PTPN12: variants seen among roughly 807,000 people sequenced by gnomAD.
The protein encoded by PTPN12 is protein tyrosine phosphatase non-receptor type 12, also known as tyrosine-protein phosphatase non-receptor type 12.
PTPN12 carries 29 observed loss-of-function variants against 97.6 expected under a neutral mutation model. The observed-to-expected ratio is 0.30, with a 90% confidence interval of 0.22 to 0.41. The LOEUF (loss-of-function observed/expected upper bound fraction) is 0.41. PTPN12 is among the 10% of genes least tolerant of loss of function. The pLI is 1.00. For missense variants in PTPN12, 819 were observed against 926.0 expected (o/e 0.88, Z 1.50); for synonymous variants, 327 against 300.4 (o/e 1.09, Z -0.91).
intron 1 of PTPN12, among the ~76,000 whole-genome samples, chr7:77,546,878 C>T (rs1035075047): frequency 3.3e-5 from 5 of 152,176 alleles, no homozygotes; most frequent in African/African-American, 7.2e-5. Context: ...ACCATCAGAT[C>T]TTGTGAGAAC....
At chr7:77,586,760 C>G (rs1787705167) in intron 5 of PTPN12, among the ~76,000 whole-genome samples, 1 of 152,204 alleles carries the variant, frequency 6.6e-6, no homozygotes, top group Admixed American at 6.5e-5. Flanking sequence ...GCTTTATCAA[C>G]TAAGTTGATT....
At chr7:77,540,992 T>C (rs1258221963) in intron 1 of PTPN12, among the ~76,000 whole-genome samples, 2 of 152,254 alleles carry the variant, frequency 1.3e-5, no homozygotes, top group African/African-American at 4.8e-5. Context: ...TCCACTTGCC[T>C]GACTGGTGAT....
At position 77,607,143 on chromosome 7, in the gene PTPN12, T is replaced by C. The variant is rs1272813432; in HGVS notation, c.696-92T>C. On this transcript the variant is annotated intron_variant, in intron 8 of 17. Coordinates refer to ENST00000248594, the MANE Select transcript of PTPN12 (RefSeq NM_002835.4). ...ATTTTGTCAAACTTCTTAAATGATT[T>C]TTTGTTTCTGAATATTAACATGTCT... The C allele has an allele frequency of 9.7e-6, 10 of 1,031,676 alleles. No homozygotes were observed. The Admixed American group carries it at 2.3e-4, about 23-fold the overall frequency. The allele number at this position is 1,031,676 out of a possible 1,614,324, so 63.9% of individuals were successfully genotyped here.
intron 11 of PTPN12, among the ~76,000 whole-genome samples, chr7:77,616,845 C>T (rs967848519): frequency 2.6e-5 from 4 of 151,976 alleles, no homozygotes; most frequent in East Asian, 3.9e-4. Context: ...TGCAGAGACA[C>T]GATCTCAGCT....
At chr7:77,553,997 C>T (rs533994261) in intron 1 of PTPN12, among the ~76,000 whole-genome samples, 53 of 151,686 alleles carry the variant, frequency 3.5e-4, no homozygotes, top group South Asian at 2.3e-3. Flanking sequence ...GACAAGGTGT[C>T]GCTTAGTTGC....
At chr7:77,543,525 A>T (rs1208876912) in intron 1 of PTPN12, among the ~76,000 whole-genome samples, 1 of 152,170 alleles carries the variant, frequency 6.6e-6, no homozygotes, top group African/African-American at 2.4e-5. Flanking sequence ...TAATAGCTTT[A>T]TTGAGATATA....
chr7:77,611,543 C>T (rs962741723), intron 11 of PTPN12, among the ~76,000 whole-genome samples: 2 of 152,150 alleles, frequency 1.3e-5, no homozygotes, highest in Admixed American at 6.5e-5. Context: ...CTCCCAAGTT[C>T]AAGTGATTTT....
At chr7:77,616,602 A>T (rs1253313496) in intron 11 of PTPN12, among the ~76,000 whole-genome samples, 1 of 152,236 alleles carries the variant, frequency 6.6e-6, no homozygotes, top group East Asian at 1.9e-4. Flanking sequence ...TATGTGTGCT[A>T]CAAAAGAAAA....
At chr7:77,610,899 T>G in intron 10 of PTPN12, 49 bp from the exon 11 acceptor site, 1 of 1,583,502 alleles carries the variant, frequency 6.3e-7, no homozygotes, top group Admixed American at 1.9e-5. Flanking sequence ...TTCTTCTTTT[T>G]TAAAATGTTG....
At chr7:77,559,917 T>C (rs1807921527) in intron 1 of PTPN12, among the ~76,000 whole-genome samples, 1 of 152,204 alleles carries the variant, frequency 6.6e-6, no homozygotes, top group African/African-American at 2.4e-5. Flanking sequence ...GGATAAAATG[T>C]GTAAACATGA....
chr7:77,581,318 T>C, intron 2 of PTPN12, 109 bp from the exon 3 acceptor site: 1 of 574,916 alleles, frequency 1.7e-6, no homozygotes, highest in Non-Finnish European at 2.9e-6. Flanking sequence ...TTTTCATCCA[T>C]TGTTTTTTAA....
At chr7:77,584,956 C>T (rs1022764363) in intron 4 of PTPN12, among the ~76,000 whole-genome samples, 30 of 151,524 alleles carry the variant, frequency 2.0e-4, no homozygotes, top group African/African-American at 7.3e-4. Context: ...TACTGATGTT[C>T]ACAACTTACT....
At chr7:77,540,674 G>T in intron 1 of PTPN12, among the ~76,000 whole-genome samples, 3 of 148,108 alleles carry the variant, frequency 2.0e-5, no homozygotes, top group South Asian at 2.1e-4. Context: ...TTCCTGACTT[G>T]ATAAGCAATA....
intron 12 of PTPN12, 48 bp downstream of exon 12, chr7:77,618,613 C>T: frequency 1.6e-6 from 2 of 1,223,146 alleles, no homozygotes; most frequent in Non-Finnish European, 2.4e-6. Context: ...CTTGTTTCTA[C>T]TCACTGTTAA....
At chr7:77,549,911 T>C (rs1807405429) in intron 1 of PTPN12, among the ~76,000 whole-genome samples, 1 of 152,208 alleles carries the variant, frequency 6.6e-6, no homozygotes, top group Non-Finnish European at 1.5e-5. Flanking sequence ...GTAGTCACTA[T>C]GATTTACTCC....
chr7:77,557,383 G>A (rs762756323), intron 1 of PTPN12, among the ~76,000 whole-genome samples: 14 of 152,128 alleles, frequency 9.2e-5, no homozygotes, highest in Non-Finnish European at 1.6e-4. Context: ...CTGATTACTC[G>A]TGATTCTCCG....
intron 14 of PTPN12, among the ~76,000 whole-genome samples, chr7:77,635,374 A>G (rs2151409713): frequency 6.6e-6 from 1 of 152,318 alleles, no homozygotes; most frequent in African/African-American, 2.4e-5. Flanking sequence ...GGCTCCAGTG[A>G]GCCGAGATCG....
At chr7:77,623,039 T>TTTAA (rs1789001688) in intron 12 of PTPN12, among the ~76,000 whole-genome samples, 1 of 150,162 alleles carries the variant, frequency 6.7e-6, no homozygotes, top group African/African-American at 2.4e-5. Flanking sequence ...AAAAAATGTG[T>TTTAA]TAGAATTAAA....
At chr7:77,544,882 T>G (rs991379685) in intron 1 of PTPN12, among the ~76,000 whole-genome samples, 7 of 152,232 alleles carry the variant, frequency 4.6e-5, no homozygotes, top group African/African-American at 1.7e-4. Flanking sequence ...TCTTCAGTGG[T>G]CCAAGGGTTT....
Sources: allele counts gnomAD v4.1 joint callset (sites outside exome capture counted in the v4.1 genomes callset), GRCh38; gene constraint gnomAD v4.1.1; transcripts MANE v1.5; gene names NCBI Gene and HGNC (gene_info 2026-07-23, HGNC 2026-07-21).